The following UBOX5 variants were observed in gnomAD, a reference collection of about 807,000 sequenced individuals.
UBOX5 encodes the protein U-box domain containing 5, also known as RING finger protein 37.
Under a neutral mutation model 39.0 loss-of-function variants are expected in UBOX5, and 28 were observed. The ratio of observed to expected loss-of-function variants is 0.72; its 90% CI spans 0.53 to 0.98. UBOX5 has a LOEUF of 0.98. Among genes scored for constraint, UBOX5 ranks in the 50% least tolerant of loss-of-function variants. The pLI is 0.00. For missense variants in UBOX5, 585 were observed against 674.4 expected (o/e 0.87, Z 1.47); for synonymous variants, 283 against 275.5 (o/e 1.03, Z -0.27).
chr20:3,147,971 T>A, intron 1 of UBOX5: 2 of 1,614,216 alleles, frequency 1.2e-6, no homozygotes, highest in Non-Finnish European at 8.5e-7. Context: ...GTGATCCACG[T>A]GAGTGAAACG....
At chr20:3,116,072 C>T (rs944380200) in intron 3 of UBOX5, among the ~76,000 whole-genome samples, 1 of 152,110 alleles carries the variant, frequency 6.6e-6, no homozygotes, top group Non-Finnish European at 1.5e-5. Context: ...TAAAGGCCTC[C>T]TTGCTGGCCA....
intron 1 of UBOX5, among the ~76,000 whole-genome samples, chr20:3,140,726 T>A (rs768735866): frequency 6.6e-6 from 1 of 152,018 alleles, no homozygotes; most frequent in African/African-American, 2.4e-5. Flanking sequence ...TTTTTTCAAC[T>A]TTTATTTTAG....
intron 1 of UBOX5, among the ~76,000 whole-genome samples, chr20:3,154,988 G>T (rs959271560): frequency 2.0e-5 from 3 of 148,562 alleles, no homozygotes; most frequent in African/African-American, 7.6e-5. Flanking sequence ...AGGAGGCAGA[G>T]GTTGCAGTGA....
intron 3 of UBOX5, among the ~76,000 whole-genome samples, chr20:3,115,867 G>A (rs1280630115): frequency 2.0e-5 from 3 of 149,874 alleles, no homozygotes; most frequent in African/African-American, 7.4e-5. Context: ...GGATTCAAGC[G>A]ATTCTCCTGT....
intron 1 of UBOX5, among the ~76,000 whole-genome samples, chr20:3,130,957 C>T (rs2066424736): frequency 6.6e-6 from 1 of 151,958 alleles, no homozygotes; most frequent in Admixed American, 6.6e-5. Flanking sequence ...TTGGGCCAGG[C>T]GCAGTGGCTC....
At chr20:3,156,332 T>C (rs995232264) in intron 1 of UBOX5, among the ~76,000 whole-genome samples, 1 of 152,038 alleles carries the variant, frequency 6.6e-6, no homozygotes, top group Non-Finnish European at 1.5e-5. Context: ...CACGCCAACA[T>C]GCCCACCTAA....
chr20:3,143,953 A>G lies in UBOX5; in HGVS notation c.-42+15813T>C, dbSNP rs142645270. Among the ~76,000 whole-genome samples, 3 of 152,308 alleles carry G rather than the reference A, an allele frequency of 2.0e-5. No homozygotes were observed. The East Asian group carries it at 5.8e-4, about 29-fold the overall frequency. Reference sequence around the variant, plus strand: ...AGCCTGGGTGACAGAGCGAGACCCTATATCAAACAAAACAAAACAAAAAAC... The same window carrying G: ...AGCCTGGGTGACAGAGCGAGACCCTGTATCAAACAAAACAAAACAAAAAAC... On this transcript the variant is annotated intron_variant, in intron 1 of 4. Transcript: ENST00000217173.
intron 1 of UBOX5, among the ~76,000 whole-genome samples, chr20:3,128,782 G>A (rs978780300): frequency 2.6e-5 from 4 of 152,186 alleles, no homozygotes; most frequent in African/African-American, 9.7e-5. Flanking sequence ...AGGATCACTT[G>A]AAGCCAGGAG....
intron 1 of UBOX5, among the ~76,000 whole-genome samples, chr20:3,139,062 A>C (rs1290165211): frequency 6.6e-6 from 1 of 152,254 alleles, no homozygotes; most frequent in Non-Finnish European, 1.5e-5. Flanking sequence ...ATATCAATGC[A>C]CTGAGCAATT....
At position 3,149,013 on chromosome 20, in the gene UBOX5, A is replaced by G; in HGVS notation, c.-42+10753T>C. On this transcript the variant is annotated intron_variant, in intron 1 of 4. Coordinates refer to ENST00000217173, the MANE Select transcript of UBOX5 (RefSeq NM_014948.4). This position sits in a 1 kb window ranked among gnomAD's most constrained non-coding sequence, Gnocchi z 4.1. ...ACACTTCGGACTGCACCAAAGGCAG[A>G]AGGACTGCAAAATGCTCGGTATCTT... 1 of 1,613,940 alleles carries G rather than the reference A, an allele frequency of 6.2e-7. No homozygotes were observed. Among genetic ancestry groups the G allele is most frequent in the Non-Finnish European group, 8.5e-7 (1 of 1,179,968 alleles).
At chr20:3,125,373 AGCTGCCCCGTCTGGGAGGTGAGGAGCG>A (rs2066375096) in intron 1 of UBOX5, among the ~76,000 whole-genome samples, 1 of 74,388 alleles carries the variant, frequency 1.3e-5, no homozygotes, top group African/African-American at 5.3e-5. Context: ...GCCTCTGCCC[AGCTGCCCCGTCTGGGAGGTGAGGAGCG>A]CCTCTGCCCG....
At position 3,148,239 on chromosome 20, in the gene UBOX5, A is replaced by T. The variant is rs2066588708; in HGVS notation, c.-42+11527T>A. Reference sequence around the variant, plus strand: ...TAAATTAAGTGAACTAGCTGAGACAAGGATAGATCCTTCCAGTGCAAATTA... The same window carrying T: ...TAAATTAAGTGAACTAGCTGAGACATGGATAGATCCTTCCAGTGCAAATTA... On this transcript the variant is annotated intron_variant, in intron 1 of 4. Transcript: ENST00000217173. 1.9e-6 allele frequency: 3 copies of T among 1,613,870 alleles called. No homozygotes were observed. In the East Asian group the frequency reaches 6.7e-5, roughly 36 times the overall value.
rs879624939 is a variant in UBOX5, at chr20:3,122,297, C to T, written c.342G>A (p.Ala114=). The T allele has an allele frequency of 2.6e-5, 42 of 1,614,080 alleles. No individual in the cohort carries two copies. Among genetic ancestry groups the T allele is most frequent in the Middle Eastern group, 1.6e-4 (1 of 6,084 alleles). The change falls in exon 3 of 5, where the codon GCG becomes GCA. Residue 114 remains alanine (A), a synonymous_variant. Coordinates refer to ENST00000217173, the MANE Select transcript of UBOX5 (RefSeq NM_014948.4). ...GTAAGACTTTGCCTACCAAGGTGAA[C>T]GCCTCCTTGTCTGGGACAGATGGCT... is the stretch of plus-strand genomic sequence containing the variant. ...PAEPSVPDKE[A]FTLVGKVLLK...
intron 1 of UBOX5, among the ~76,000 whole-genome samples, chr20:3,143,287 G>C (rs1169073472): frequency 6.6e-6 from 1 of 151,586 alleles, no homozygotes; most frequent in African/African-American, 2.4e-5. Context: ...ATTTTTAGTA[G>C]AGACAGGTTT....
At chr20:3,137,801 A>T (rs1218879028) in intron 1 of UBOX5, among the ~76,000 whole-genome samples, 1 of 152,218 alleles carries the variant, frequency 6.6e-6, no homozygotes, top group Non-Finnish European at 1.5e-5. Flanking sequence ...CTTTTATCTT[A>T]TAAATCCAAA....
rs1034257107 is a variant in UBOX5 at position 3,121,997 on chromosome 20, T to G, written c.642A>C (p.Ser214=). ...GAGCCACATCCTGAGGCAGGTTCTC[T>G]GAGGTGACCAGCAGGATGCTGTCTA... The part of the protein sequence containing the change: ...EVIDSILLVT[S]ENLPQDVALQ... Residue 214 remains serine, a synonymous_variant, in exon 3 of 5, where the codon TCA becomes TCC. Coordinates refer to ENST00000217173, the MANE Select transcript of UBOX5 (RefSeq NM_014948.4). 2 of 1,614,196 alleles carry G rather than the reference T, an allele frequency of 1.2e-6. No individual in the cohort carries two copies.
At chr20:3,155,590 C>A (rs75692177) in intron 1 of UBOX5, among the ~76,000 whole-genome samples, 1 of 151,700 alleles carries the variant, frequency 6.6e-6, no homozygotes, top group Admixed American at 6.6e-5. Context: ...CTCTACTGAA[C>A]TATTTGACTG....
At chr20:3,136,380 GTCTC>G (rs774452107) in intron 1 of UBOX5, among the ~76,000 whole-genome samples, 1 of 150,676 alleles carries the variant, frequency 6.6e-6, no homozygotes, top group Non-Finnish European at 1.5e-5. Context: ...TTGAGACAGA[GTCTC>G]TCTCTGTCAC....
rs111759886 is a variant in UBOX5 at position 3,109,850 on chromosome 20, T to C, written c.*256A>G. 7,616 of 546,686 alleles carry C rather than the reference T, an allele frequency of 0.014. 382 individuals carry two copies. Among genetic ancestry groups the C allele is most frequent in the African/African-American group, 0.12 (6,172 of 52,752 alleles). The allele number at this position is 546,686 out of a possible 1,614,324, so 33.9% of individuals were successfully genotyped here. A position where few individuals can be genotyped will look rare whatever the true frequency, so the allele number is the denominator to read the frequency against. On this transcript the variant is annotated 3_prime_UTR_variant, in exon 5 of 5. Coordinates refer to ENST00000217173, the MANE Select transcript of UBOX5 (RefSeq NM_014948.4). ...CTGCCTAGGGTGGGGCTGGCTCCAG[T>C]GGGTCCTGGGCTCAGGCAGGGGGGG...
Sources: gnomAD v4.1 joint callset for allele counts (sites outside exome capture counted in the v4.1 genomes callset) on GRCh38, gnomAD v4.1.1 for gene constraint, Gnocchi (gnomAD v3.1) non-coding constraint, MANE v1.5 for transcripts, NCBI Gene and HGNC (gene_info 2026-07-23, HGNC 2026-07-21) for gene names.